TRAF3IP2: variants seen among roughly 807,000 people sequenced by gnomAD.
TRAF3IP2 encodes the protein E3 ubiquitin ligase TRAF3IP2.
A neutral mutation model predicts 57.9 loss-of-function variants in TRAF3IP2; 35 were observed. The ratio of observed to expected loss-of-function variants is 0.60; its 90% CI spans 0.46 to 0.80. The LOEUF (loss-of-function observed/expected upper bound fraction) is 0.80, where lower values mean the gene tolerates loss of function less well. TRAF3IP2 is among the 30% of genes least tolerant of loss of function. TRAF3IP2 has a pLI of 0.00. For missense variants in TRAF3IP2, 556 were observed against 706.4 expected, an observed-to-expected ratio of 0.79 and a Z score of 2.41; for synonymous variants, 251 against 268.9, an observed-to-expected ratio of 0.93 and a Z score of 0.65.
rs1246915557 is a variant in TRAF3IP2 at position 111,558,146 on chromosome 6, C to T, written c.*1259G>A. 5.9e-5 allele frequency: 9 copies of T among 152,192 alleles called. No homozygotes were observed. The highest frequency in any genetic ancestry group is 8.8e-5 in the Non-Finnish European group (6 of 68,034). The allele number at this position is 152,192 out of a possible 1,614,324, so 9.4% of individuals were successfully genotyped here. A position where few individuals can be genotyped will look rare whatever the true frequency, so the allele number is the denominator to read the frequency against. ...GAGTATTTAGAATTTAGGTCCTAGA[C>T]TTCAAATCTTTTAGAGTGATTAGAG... On this transcript the variant is annotated 3_prime_UTR_variant, in exon 9 of 9. Transcript: ENST00000368761.
At chr6:111,590,051 GC>G (rs1422142171) in intron 2 of TRAF3IP2, among the ~76,000 whole-genome samples, 1 of 152,068 alleles carries the variant, frequency 6.6e-6, no homozygotes, top group Non-Finnish European at 1.5e-5. Context: ...TTTTCCAGTG[GC>G]CTCAGCGGAG....
intron 1 of TRAF3IP2, among the ~76,000 whole-genome samples, chr6:111,599,371 TG>T (rs1796795554): frequency 1.3e-5 from 2 of 152,192 alleles, no homozygotes; most frequent in African/African-American, 4.8e-5. Flanking sequence ...TACCTTTCTC[TG>T]GGCTTCTCTA....
chr6:111,594,865 G>A (rs1182538380), intron 1 of TRAF3IP2, among the ~76,000 whole-genome samples: 5 of 152,182 alleles, frequency 3.3e-5, no homozygotes, highest in South Asian at 2.1e-4. Context: ...GCAGTGAGCC[G>A]AGATCGTGCC....
intron 3 of TRAF3IP2, 88 bp from the exon 4 acceptor site, chr6:111,575,909 T>C: frequency 8.1e-7 from 1 of 1,236,986 alleles, no homozygotes; most frequent in Non-Finnish European, 1.1e-6. Flanking sequence ...TATGGGAAGA[T>C]CCCAGTGGGC....
At chr6:111,589,250 G>A (rs140255343) in intron 2 of TRAF3IP2, among the ~76,000 whole-genome samples, 1 of 151,968 alleles carries the variant, frequency 6.6e-6, no homozygotes, top group African/African-American at 2.4e-5. Context: ...TTTTAGCAGA[G>A]ACAGTGTTTC....
intron 5 of TRAF3IP2, 111 bp from the exon 6 acceptor site, chr6:111,567,803 G>T: frequency 1.3e-6 from 1 of 784,548 alleles, no homozygotes; most frequent in Non-Finnish European, 1.8e-6. Context: ...CTTAACTAAT[G>T]CTTTTTGCAA....
intron 1 of TRAF3IP2, among the ~76,000 whole-genome samples, chr6:111,603,115 G>T (rs918144411): frequency 1.3e-5 from 2 of 151,680 alleles, no homozygotes; most frequent in Non-Finnish European, 2.9e-5. Context: ...CACACACAAG[G>T]CGTGCACACA....
intron 2 of TRAF3IP2, among the ~76,000 whole-genome samples, chr6:111,589,179 G>A (rs376703058): frequency 6.8e-6 from 1 of 147,616 alleles, no homozygotes; most frequent in Non-Finnish European, 1.5e-5. Flanking sequence ...TTGTGCCTCA[G>A]TCTCCCGAGT....
rs1795347174 is a variant in TRAF3IP2, at chr6:111,559,318, G to A, written c.*87C>T. On this transcript the variant is annotated 3_prime_UTR_variant, in exon 9 of 9. Transcript: ENST00000368761. ...GGAGGAACAGAAAAAAACCAGCCAG[G>A]AGTGCTACCGACCAGCCTCAGCCAG... The A allele has an allele frequency of 1.3e-6, 2 of 1,526,706 alleles. No homozygotes were observed. The highest frequency in any genetic ancestry group is 1.4e-5 in the African/African-American group (1 of 72,184). The allele number at this position is 1,526,706 out of a possible 1,614,324, so 94.6% of individuals were successfully genotyped here.
intron 1 of TRAF3IP2, among the ~76,000 whole-genome samples, chr6:111,594,324 G>A (rs1796614645): frequency 6.6e-6 from 1 of 152,090 alleles, no homozygotes; most frequent in African/African-American, 2.4e-5. Flanking sequence ...GAGGCAAAGA[G>A]ATGCAAAAAG....
chr6:111,559,835 C>G (rs760547238), intron 8 of TRAF3IP2, among the ~76,000 whole-genome samples: 1 of 152,238 alleles, frequency 6.6e-6, no homozygotes, highest in Non-Finnish European at 1.5e-5. Flanking sequence ...TTTCACCACC[C>G]TCACATAAAA....
Position 111,557,284 on chromosome 6 carries a change from T to C in TRAF3IP2, c.*2121A>G, listed in dbSNP as rs1014443578. The C allele has an allele frequency of 6.6e-6, 1 of 152,198 alleles. No individual in the cohort carries two copies. The highest frequency in any genetic ancestry group is 1.5e-5 in the Non-Finnish European group (1 of 68,042). The allele number at this position is 152,198 out of a possible 1,614,324, so 9.4% of individuals were successfully genotyped here. On this transcript the variant is annotated 3_prime_UTR_variant, in exon 9 of 9. Transcript: ENST00000368761. ...GCCATAATTAAAGCCATCCCACCTT[T>C]ATAGTTTACGTAGATTTGATACATG...
Position 111,566,480 on chromosome 6 carries a change from A to C in TRAF3IP2, c.1440T>G (p.Asp480Glu), listed in dbSNP as rs141459820. The C allele has an allele frequency of 2.3e-5, 37 of 1,614,066 alleles. No individual in the cohort carries two copies. The highest frequency in any genetic ancestry group is 3.0e-5 in the Non-Finnish European group (35 of 1,180,024). The part of the protein sequence containing the change: ...VEGAESQLDE[D>E]EHGLHTKYIH... ...TGTACTTAGTATGTAAGCCATGCTCATCCTCGTCCAGCTGCGACTCAGCGC... is the reference window on the plus strand; with the variant it reads ...TGTACTTAGTATGTAAGCCATGCTCCTCCTCGTCCAGCTGCGACTCAGCGC... Residue 480 changes from aspartate to glutamate, a missense_variant, in exon 7 of 9, where the codon GAT (aspartate) becomes GAG (glutamate). This residue lies in a region of TRAF3IP2 where 128 missense variants were observed against 207.7 expected (regional missense o/e 0.62). Coordinates refer to ENST00000368761, the MANE Select transcript of TRAF3IP2 (RefSeq NM_147686.4).
chr6:111,595,601 G>A (rs1454006970), intron 1 of TRAF3IP2, among the ~76,000 whole-genome samples: 10 of 152,136 alleles, frequency 6.6e-5, no homozygotes, highest in South Asian at 2.1e-4. Context: ...AGGCCAAGGC[G>A]GGCAGATCGC....
chr6:111,575,642 C>A lies in TRAF3IP2; in HGVS notation c.1201+1G>T. ...AGAGAACAATGTTGCAAACAACTTA[C>A]GCAATTCTTCTGGCAAATTGCTTGT... On this transcript the variant is annotated splice_donor_variant, in intron 4 of 8. Transcript: ENST00000368761. LOFTEE classifies it high-confidence loss of function. The A allele has an allele frequency of 6.2e-7, 1 of 1,605,880 alleles. No individual in the cohort carries two copies. The highest frequency in any genetic ancestry group is 8.5e-7 in the Non-Finnish European group (1 of 1,176,446).
Position 111,567,647 on chromosome 6 carries a change from A to G in TRAF3IP2, c.1336T>C (p.Trp446Arg). 1 of 1,610,504 alleles carries G rather than the reference A, an allele frequency of 6.2e-7. No homozygotes were observed. Among genetic ancestry groups the G allele is most frequent in the Non-Finnish European group, 8.5e-7 (1 of 1,178,712 alleles). ...ACATCCCTAAGGTAGCGCTCCATCC[A>G]TTTAATGATATCAATGCCTCGGATT... ...DRIRGIDIIKWMERYLRDKTV... is the reference protein window; with the variant it reads ...DRIRGIDIIKRMERYLRDKTV... The change falls in exon 6 of 9, where the codon TGG becomes CGG. Residue 446 changes from tryptophan to arginine, a missense_variant. By Grantham distance (101) the Trp-to-Arg change is moderately radical. Transcript: ENST00000368761.
At position 111,557,354 on chromosome 6, in the gene TRAF3IP2, G is replaced by GAGAC. The variant is rs1296738383; in HGVS notation, c.*2047_*2050dup. 6.6e-6 allele frequency: 1 copy of GAGAC among 151,706 alleles called. No homozygotes were observed. Among genetic ancestry groups the GAGAC allele is most frequent in the African/African-American group, 2.4e-5 (1 of 41,264 alleles). The allele number at this position is 151,706 out of a possible 1,614,324, so 9.4% of individuals were successfully genotyped here. The stretch of plus-strand genomic sequence containing the variant: ...GATATGTGTATGTGTTCTTTTTCTG[G>GAGAC]AGACCAGGTAAACAAGATATATAGA... On this transcript the variant is annotated 3_prime_UTR_variant, in exon 9 of 9. Coordinates refer to ENST00000368761, the MANE Select transcript of TRAF3IP2 (RefSeq NM_147686.4).
At chr6:111,569,720 C>T (rs995660495) in intron 5 of TRAF3IP2, among the ~76,000 whole-genome samples, 8 of 152,176 alleles carry the variant, frequency 5.3e-5, no homozygotes, top group Non-Finnish European at 1.2e-4. Flanking sequence ...CGTGCCACTG[C>T]ACCCTAGCCT....
intron 1 of TRAF3IP2, chr6:111,601,332 A>G: frequency 1.6e-6 from 1 of 612,996 alleles, no homozygotes. Flanking sequence ...GATTTGAGAA[A>G]AGCATTTGAC....
Sources: gnomAD v4.1 joint callset for allele counts (sites outside exome capture counted in the v4.1 genomes callset) on GRCh38, gnomAD v4.1.1 for gene constraint, gnomAD v4.1.1 regional missense constraint, MANE v1.5 for transcripts, NCBI Gene and HGNC (gene_info 2026-07-23, HGNC 2026-07-21) for gene names.